PCDH15: variants seen among roughly 807,000 people sequenced by gnomAD.
PCDH15 encodes protocadherin-15.
In PCDH15, 129 loss-of-function variants were observed where a neutral mutation model predicts 178.5. The ratio of observed to expected loss-of-function variants is 0.72; its 90% CI spans 0.63 to 0.84. The LOEUF is 0.84. Ranked by LOEUF, PCDH15 falls within the 40% of genes least tolerant of loss-of-function variation. The pLI, the probability that PCDH15 is intolerant of heterozygous loss-of-function variation, is 0.00. For synonymous variants in PCDH15, 800 were observed against 732.0 expected (o/e 1.09, Z -1.50); for missense variants, 2,230 against 2,099.9 (o/e 1.06, Z -1.21).
chr10:54,886,708 G>C (rs760768064), intron 3 of PCDH15, among the ~76,000 whole-genome samples: 2 of 152,230 alleles, frequency 1.3e-5, no homozygotes. Context: ...GTTGCAGTGA[G>C]TGGAGAAGGC....
chr10:55,096,493 G>A (rs1842452963), intron 2 of PCDH15, among the ~76,000 whole-genome samples: 1 of 152,080 alleles, frequency 6.6e-6, no homozygotes, highest in Non-Finnish European at 1.5e-5. Context: ...TGTGCGTGTT[G>A]TAACAATACT....
At chr10:55,622,115 CTATAAATATATATATTATAT>C (rs1837411890) in intron 2 of PCDH15, among the ~76,000 whole-genome samples, 4 of 59,316 alleles carry the variant, frequency 6.7e-5, no homozygotes, top group Non-Finnish European at 1.4e-4. Context: ...TTATATATAT[CTATAAATATATATATTATAT>C]ATATTATATA....
intron 2 of PCDH15, among the ~76,000 whole-genome samples, chr10:54,904,850 G>A (rs886734365): frequency 1.5e-4 from 23 of 149,688 alleles, no homozygotes; most frequent in Non-Finnish European, 7.5e-5. Context: ...AAGAGGTAAA[G>A]TGTGGAGAAA....
Position 55,047,507 on chromosome 10 carries a change from G to T in PCDH15, c.-80+119069C>A, listed in dbSNP as rs899613590. ...TCTTATAAAAGTAACTTCTACTTTT[G>T]AAGAACTCATAGCTAACTGGAAAGA... On this transcript the variant is annotated intron_variant, in intron 2 of 5. Coordinates refer to the PCDH15 transcript ENST00000458638. Among the ~76,000 whole-genome samples the T allele has an allele frequency of 2.0e-5, 3 of 151,788 alleles. No individual in the cohort carries two copies. In the South Asian group the frequency reaches 6.2e-4, roughly 31 times the overall value.
At chr10:54,329,486 T>C in intron 7 of PCDH15, 110 bp downstream of exon 7, 1 of 784,158 alleles carries the variant, frequency 1.3e-6, no homozygotes, top group Non-Finnish European at 2.2e-6. Flanking sequence ...AGGAGTGCCC[T>C]GATGAAGAAG....
At chr10:55,491,989 G>A (rs1028885272) in intron 2 of PCDH15, among the ~76,000 whole-genome samples, 2 of 151,576 alleles carry the variant, frequency 1.3e-5, no homozygotes, top group Non-Finnish European at 2.9e-5. Context: ...TCAATAGAGA[G>A]CAAAAGCCTC....
chr10:55,332,112 A>G (rs1480729088), intron 2 of PCDH15, among the ~76,000 whole-genome samples: 2 of 152,148 alleles, frequency 1.3e-5, no homozygotes, highest in East Asian at 3.9e-4. Flanking sequence ...ATTTGTGAAG[A>G]CCAATATGGT....
At chr10:55,392,619 A>T (rs1326741967) in intron 2 of PCDH15, among the ~76,000 whole-genome samples, 1 of 152,156 alleles carries the variant, frequency 6.6e-6, no homozygotes, top group Non-Finnish European at 1.5e-5. Flanking sequence ...AAATATTGCT[A>T]TTTAATTTAC....
At chr10:54,805,314 T>G (rs1952762131), upstream of PCDH15, among the ~76,000 whole-genome samples, 2 of 152,002 alleles carry the variant, frequency 1.3e-5, no homozygotes, top group African/African-American at 4.8e-5. Context: ...TGCAGTATTA[T>G]CAAAATAGCC....
chr10:55,126,264 C>G (rs959128635), intron 2 of PCDH15, among the ~76,000 whole-genome samples: 1 of 152,066 alleles, frequency 6.6e-6, no homozygotes, highest in African/African-American at 2.4e-5. Flanking sequence ...GGACAATACT[C>G]CCTCATAAGT....
intron 1 of PCDH15, among the ~76,000 whole-genome samples, chr10:55,278,340 A>G (rs953274898): frequency 6.6e-6 from 1 of 152,172 alleles, no homozygotes; most frequent in East Asian, 1.9e-4. Context: ...TTCATGTTTT[A>G]TTGTAAATAA....
chr10:54,527,691 A>C (rs529474152), intron 3 of PCDH15, 121 bp downstream of exon 3: 13 of 620,712 alleles, frequency 2.1e-5, no homozygotes, highest in African/African-American at 7.5e-5. Context: ...CTGGAGGGGA[A>C]TTATCCATGG....
chr10:55,611,329 C>G (rs927801251), intron 2 of PCDH15, among the ~76,000 whole-genome samples: 1 of 151,430 alleles, frequency 6.6e-6, no homozygotes, highest in African/African-American at 2.4e-5. Context: ...AACAAATAAC[C>G]CTGTTAAAAA....
At chr10:53,925,116 C>T (rs1410636828) in intron 25 of PCDH15, among the ~76,000 whole-genome samples, 1 of 152,158 alleles carries the variant, frequency 6.6e-6, no homozygotes, top group Non-Finnish European at 1.5e-5. Context: ...CTGGGGTCCT[C>T]TTCCACACTG....
intron 2 of PCDH15, among the ~76,000 whole-genome samples, chr10:55,349,398 T>C (rs1844850367): frequency 6.6e-6 from 1 of 152,170 alleles, no homozygotes; most frequent in Non-Finnish European, 1.5e-5. Flanking sequence ...TCTAGTCACA[T>C]TGACAGACAT....
intron 2 of PCDH15, among the ~76,000 whole-genome samples, chr10:55,625,515 C>T (rs1837508456): frequency 6.6e-6 from 1 of 152,130 alleles, no homozygotes; most frequent in Admixed American, 6.6e-5. Flanking sequence ...GAAACAGTAT[C>T]TTGTGTGTTA....
chr10:55,319,158 G>A (rs538205148), intron 1 of PCDH15, among the ~76,000 whole-genome samples: 13 of 152,134 alleles, frequency 8.5e-5, no homozygotes, highest in Middle Eastern at 3.4e-3. Flanking sequence ...AGAAAAAGGA[G>A]CAGTTCAAAG....
At chr10:53,831,600 CT>C (rs1250132385) in intron 29 of PCDH15, 67 bp from the exon 30 acceptor site, 58 of 1,190,226 alleles carry the variant, frequency 4.9e-5, no homozygotes, top group Admixed American at 2.7e-4. Context: ...AAAATAAAAT[CT>C]TTTTGTAAGA....
rs2048224473 is a variant in PCDH15 at position 54,183,685 on chromosome 10, G to T, written c.1441-92C>A. The T allele has an allele frequency of 4.1e-6, 6 of 1,458,366 alleles. No homozygotes were observed. In the East Asian group the frequency reaches 1.4e-4, roughly 33 times the overall value. The allele number at this position is 1,458,366 out of a possible 1,614,324, so 90.3% of individuals were successfully genotyped here. ...TTACAGTTTAACAAGTTTCTTACAG[G>T]TAATCTTACAATTTGAAAGGGTGCA... On this transcript the variant is annotated intron_variant, in intron 12 of 37. Transcript: ENST00000644397.
Sources: gnomAD v4.1 joint callset for allele counts (sites outside exome capture counted in the v4.1 genomes callset) on GRCh38, gnomAD v4.1.1 for gene constraint, MANE v1.5 for transcripts, NCBI Gene and HGNC (gene_info 2026-07-23, HGNC 2026-07-21) for gene names.